Variants in DPP4 observed in about 807,000 individuals in gnomAD.
DPP4 encodes dipeptidyl peptidase 4, also known as ADCP-2.
In DPP4, 93 loss-of-function variants were observed where a neutral mutation model predicts 122.4. The observed-to-expected ratio is 0.76, with a 90% CI of 0.64 to 0.90. DPP4 has a LOEUF of 0.90. Ranked by LOEUF, DPP4 falls within the 40% of genes least tolerant of loss-of-function variation. DPP4 has a pLI of 0.00. For missense variants in DPP4, 914 were observed against 907.3 expected, an observed-to-expected ratio of 1.01 and a Z score of -0.09; for synonymous variants, 321 against 302.9, an observed-to-expected ratio of 1.06 and a Z score of -0.62.
intron 10 of DPP4, among the ~76,000 whole-genome samples, chr2:162,028,390 A>G (rs1305692771): frequency 6.6e-6 from 1 of 152,202 alleles, no homozygotes; most frequent in Non-Finnish European, 1.5e-5. Flanking sequence ...CAATGGCTCA[A>G]TTGTACTTTT....
chr2:162,068,122 T>C (rs1439572502), intron 2 of DPP4, among the ~76,000 whole-genome samples: 1 of 152,212 alleles, frequency 6.6e-6, no homozygotes, highest in Non-Finnish European at 1.5e-5. Flanking sequence ...TTACTACTAA[T>C]ACTAAAAATC....
At chr2:162,020,828 CAAAAA>C (rs1459983623) in intron 12 of DPP4, 140 bp from the exon 13 acceptor site, 4 of 532,958 alleles carry the variant, frequency 7.5e-6, no homozygotes, top group African/African-American at 1.9e-5. Context: ...ATTAGTGTCT[CAAAAA>C]GAAAATTATC....
intron 2 of DPP4, among the ~76,000 whole-genome samples, chr2:162,058,757 C>T (rs1411603245): frequency 1.3e-5 from 2 of 152,190 alleles, no homozygotes. Context: ...TTGTAACTTG[C>T]AGGCAGCTAC....
intron 16 of DPP4, among the ~76,000 whole-genome samples, chr2:162,018,067 A>G (rs1229561170): frequency 1.3e-5 from 2 of 152,236 alleles, no homozygotes; most frequent in Admixed American, 1.3e-4. Flanking sequence ...ATAGTAAAGA[A>G]CCATAAAGAA....
intron 22 of DPP4, 106 bp downstream of exon 22, chr2:162,008,456 C>G: frequency 3.4e-6 from 3 of 891,324 alleles, no homozygotes; most frequent in Non-Finnish European, 5.5e-6. Context: ...ATGAATCAGC[C>G]TATTATTCGC....
At position 162,046,963 on chromosome 2, in the gene DPP4, G is replaced by T. The variant is rs748856983; in HGVS notation, c.237C>A (p.Phe79Leu). ...CTGAGCTGTTTCCATATTCAGCATT[G>T]AATACCAAGATATTATTTTCTTGTT... ...LYKQENNILV[F>L]NAEYGNSSVF... Residue 79 changes from phenylalanine to leucine, a missense_variant, in exon 4 of 26, where the codon TTC becomes TTA. Phe to Leu is a conservative substitution (Grantham distance 22, BLOSUM62 0). Coordinates refer to ENST00000360534, the MANE Select transcript of DPP4 (RefSeq NM_001935.4). 3 of 1,597,848 alleles carry T rather than the reference G, an allele frequency of 1.9e-6. No individual in the cohort carries two copies. Among genetic ancestry groups the T allele is most frequent in the Admixed American group, 3.3e-5 (2 of 59,860 alleles).
chr2:162,020,549 C>T (rs781123681), intron 13 of DPP4, 32 bp downstream of exon 13: 1 of 1,503,378 alleles, frequency 6.7e-7, no homozygotes, highest in African/African-American at 1.4e-5. Flanking sequence ...AAAAAGAGGT[C>T]AACATGAAAT....
chr2:161,994,862 T>C lies in DPP4; in HGVS notation c.2199+99A>G, dbSNP rs1700958766. ...GAAAAAAAAATTTTTAATGTTTTTA[T>C]TCTGTCCTGTCTGTGGCACTGCTAA... On this transcript the variant is annotated intron_variant, in intron 25 of 25. Transcript: ENST00000360534. 5 of 1,161,414 alleles carry C rather than the reference T, an allele frequency of 4.3e-6. No homozygotes were observed. In the Admixed American group the frequency reaches 6.0e-5, roughly 14 times the overall value. 71.9% of individuals were successfully genotyped at this position (1,161,414 alleles called of 1,614,324 possible). A position where few individuals can be genotyped will look rare whatever the true frequency, so the allele number is the denominator to read the frequency against.
At chr2:162,040,198 C>T (rs886361080) in intron 5 of DPP4, among the ~76,000 whole-genome samples, 1 of 151,972 alleles carries the variant, frequency 6.6e-6, no homozygotes, top group African/African-American at 2.4e-5. Context: ...TACCAGCAAA[C>T]TTCTTGTTAT....
At chr2:162,014,092 A>C (rs1682818546) in intron 19 of DPP4, among the ~76,000 whole-genome samples, 1 of 152,200 alleles carries the variant, frequency 6.6e-6, no homozygotes, top group Non-Finnish European at 1.5e-5. Flanking sequence ...TAAAATGTCC[A>C]GGAGGTTAAG....
chr2:162,013,721 T>A (rs1682797227), intron 19 of DPP4, among the ~76,000 whole-genome samples: 1 of 152,162 alleles, frequency 6.6e-6, no homozygotes, highest in African/African-American at 2.4e-5. Context: ...TAGGAAATGA[T>A]GCAAGCCAGG....
intron 10 of DPP4, among the ~76,000 whole-genome samples, chr2:162,027,276 G>A (rs191060687): frequency 2.8e-3 from 418 of 151,884 alleles, no homozygotes; most frequent in Non-Finnish European, 4.6e-3. Context: ...GCTTGAACCC[G>A]GGAGACGGAG....
Position 162,033,522 on chromosome 2 carries a change from T to C in DPP4, c.887+19A>G. On this transcript the variant is annotated intron_variant, in intron 10 of 25. Coordinates refer to ENST00000360534, the MANE Select transcript of DPP4 (RefSeq NM_001935.4). The stretch of plus-strand genomic sequence containing the variant: ...TGTAAAACTGTTTACAAGCCAAGCA[T>C]TCAGGACAAGAGTCTTACCCTATCA... The C allele has an allele frequency of 6.3e-7, 1 of 1,579,560 alleles. No individual in the cohort carries two copies. The highest frequency in any genetic ancestry group is 8.6e-7 in the Non-Finnish European group (1 of 1,157,614).
intron 2 of DPP4, among the ~76,000 whole-genome samples, chr2:162,047,933 CT>C (rs945315276): frequency 2.0e-5 from 3 of 152,100 alleles, no homozygotes; most frequent in African/African-American, 7.2e-5. Context: ...CTTTCATGTT[CT>C]TTTTTTCATT....
chr2:162,001,887 G>A (rs967824860), intron 23 of DPP4, among the ~76,000 whole-genome samples: 3 of 152,132 alleles, frequency 2.0e-5, no homozygotes, highest in African/African-American at 7.2e-5. Context: ...TGCCCATTTA[G>A]AGCTTCCGGT....
At chr2:162,024,376 A>G (rs985122263) in intron 11 of DPP4, among the ~76,000 whole-genome samples, 2 of 152,250 alleles carry the variant, frequency 1.3e-5, no homozygotes, top group African/African-American at 4.8e-5. Context: ...CAGTGACAGT[A>G]TGGTAATGGG....
chr2:162,005,709 T>C, intron 23 of DPP4, 36 bp downstream of exon 23: 2 of 1,548,520 alleles, frequency 1.3e-6, no homozygotes, highest in South Asian at 1.2e-5. Flanking sequence ...CACTTATAAA[T>C]AGGTTATAAA....
intron 2 of DPP4, among the ~76,000 whole-genome samples, chr2:162,073,041 T>C (rs924830087): frequency 1.3e-5 from 2 of 152,094 alleles, no homozygotes; most frequent in Non-Finnish European, 2.9e-5. Context: ...CCTTTTTTCC[T>C]TTTTCGATCA....
rs1259581662 is a variant in DPP4, at chr2:162,018,813, T to C, written c.1336A>G (p.Ser446Gly). ...LSDYTKVTCL[S>G]CELNPERCQY... ...CACCTTTCCGGATTCAGCTCACAAC[T>C]GAGGCATGTCACTTTTGTATAGTCA... Residue 446 changes from serine to glycine, a missense_variant, in exon 16 of 26, where the codon AGT becomes GGT. Coordinates refer to ENST00000360534, the MANE Select transcript of DPP4 (RefSeq NM_001935.4). 6.2e-7 allele frequency: 1 copy of C among 1,614,170 alleles called. No individual in the cohort carries two copies. The highest frequency in any genetic ancestry group is 8.5e-7 in the Non-Finnish European group (1 of 1,180,030).
Sources: allele counts gnomAD v4.1 joint callset (sites outside exome capture counted in the v4.1 genomes callset), GRCh38; gene constraint gnomAD v4.1.1; transcripts MANE v1.5; gene names NCBI Gene and HGNC (gene_info 2026-07-23, HGNC 2026-07-21).